DNAH5: variants seen among roughly 807,000 people sequenced by gnomAD.
DNAH5 encodes dynein axonemal heavy chain 5, also known as axonemal beta dynein heavy chain 5.
Under a neutral mutation model 518.2 loss-of-function variants are expected in DNAH5, and 372 were observed. The observed-to-expected ratio is 0.72, with a 90% CI of 0.66 to 0.78. The LOEUF is 0.78. Ranked by LOEUF, DNAH5 falls within the 30% of genes least tolerant of loss-of-function variation. The pLI, the probability that DNAH5 is intolerant of heterozygous loss-of-function variation, is 0.00. For missense variants in DNAH5, 5,523 were observed against 5,687.0 expected (o/e 0.97, Z 0.93); for synonymous variants, 2,039 against 2,025.9 (o/e 1.01, Z -0.17).
intron 10 of DNAH5, among the ~76,000 whole-genome samples, chr5:13,914,230 G>A (rs1776373604): frequency 6.6e-6 from 1 of 152,010 alleles, no homozygotes; most frequent in Non-Finnish European, 1.5e-5. Context: ...ATCCTTCTAT[G>A]ACTCTCTCTC....
intron 43 of DNAH5, among the ~76,000 whole-genome samples, chr5:13,812,557 C>T (rs1561327439): frequency 6.6e-6 from 1 of 152,168 alleles, no homozygotes; most frequent in Non-Finnish European, 1.5e-5. Flanking sequence ...CTGCCTGCCT[C>T]GGCCTCCCAA....
intron 76 of DNAH5, among the ~76,000 whole-genome samples, chr5:13,705,309 T>C (rs1238841759): frequency 6.6e-6 from 1 of 152,200 alleles, no homozygotes. Context: ...GACTGTATTC[T>C]TGAAAATTGC....
At chr5:13,971,710 T>C (rs1781884274) in intron 1 of DNAH5, among the ~76,000 whole-genome samples, 1 of 152,142 alleles carries the variant, frequency 6.6e-6, no homozygotes, top group Non-Finnish European at 1.5e-5. Flanking sequence ...GTGAGGGTCC[T>C]TGATGGTAGT....
intron 22 of DNAH5, among the ~76,000 whole-genome samples, chr5:13,873,880 T>C (rs537266291): frequency 2.6e-5 from 4 of 152,186 alleles, no homozygotes; most frequent in Admixed American, 6.5e-5. Context: ...CAGAGTTACA[T>C]CTGCATGAAA....
At position 13,928,082 on chromosome 5, in the gene DNAH5, A is replaced by G; in HGVS notation, c.277+12T>C. The G allele has an allele frequency of 3.1e-6, 5 of 1,607,290 alleles. No homozygotes were observed. Among genetic ancestry groups the G allele is most frequent in the Non-Finnish European group, 4.3e-6 (5 of 1,173,864 alleles). ...ACACATTTCTGGGTTATGTCACATCAAATTCAGATACCTGTTTCTGCTTCC... is the reference window on the plus strand; with the variant it reads ...ACACATTTCTGGGTTATGTCACATCGAATTCAGATACCTGTTTCTGCTTCC... On this transcript the variant is annotated intron_variant, in intron 3 of 78. Coordinates refer to ENST00000265104, the MANE Select transcript of DNAH5 (RefSeq NM_001369.3).
At chr5:13,841,180 T>C (rs1357291161) in intron 33 of DNAH5, 50 bp from the exon 34 acceptor site, 2 of 1,408,110 alleles carry the variant, frequency 1.4e-6, no homozygotes, top group East Asian at 2.3e-5. Context: ...TATTTATGTA[T>C]TTAAATAGAA....
chr5:13,943,050 T>C (rs1779609526), intron 1 of DNAH5, among the ~76,000 whole-genome samples: 1 of 152,158 alleles, frequency 6.6e-6, no homozygotes, highest in South Asian at 2.1e-4. Flanking sequence ...CCTAAATATA[T>C]AATTGAAACC....
chr5:13,877,402 A>G (rs988262281), intron 21 of DNAH5, among the ~76,000 whole-genome samples: 1 of 152,238 alleles, frequency 6.6e-6, no homozygotes, highest in Admixed American at 6.5e-5. Flanking sequence ...TACCTGAGGC[A>G]ATGATATTAG....
chr5:13,981,235 T>C (rs575904657), intron 1 of DNAH5, among the ~76,000 whole-genome samples: 1 of 152,188 alleles, frequency 6.6e-6, no homozygotes, highest in Non-Finnish European at 1.5e-5. Context: ...AAAACGTGTG[T>C]TGAGTGAAAA....
chr5:13,939,336 C>T (rs888434434), intron 1 of DNAH5, among the ~76,000 whole-genome samples: 4 of 152,168 alleles, frequency 2.6e-5, no homozygotes, highest in Admixed American at 6.5e-5. Context: ...TGCTGTTGTG[C>T]CTGGAACATA....
intron 16 of DNAH5, among the ~76,000 whole-genome samples, chr5:13,892,260 A>T (rs1156398012): frequency 6.6e-6 from 1 of 152,192 alleles, no homozygotes; most frequent in East Asian, 1.9e-4. Flanking sequence ...CTGCTTCTTC[A>T]TCTTTAAGGA....
chr5:13,902,030 A>C, intron 13 of DNAH5, 23 bp downstream of exon 13: 1 of 1,471,776 alleles, frequency 6.8e-7, no homozygotes, highest in Middle Eastern at 2.0e-4. Context: ...TTTAGAAAAT[A>C]GACAATTTCT....
Position 13,865,861 on chromosome 5 carries a change from C to T in DNAH5, c.4162G>A (p.Gly1388Arg). The change falls in exon 27 of 79, where the codon GGA becomes AGA. Residue 1388 changes from glycine to arginine, a missense_variant. Coordinates refer to ENST00000265104, the MANE Select transcript of DNAH5 (RefSeq NM_001369.3). ...IYRKYITYTG[G>R]EELFGLPATQ... is the part of the protein sequence containing the mutation. ...GCTGGCAGGCCAAAAAGCTCCTCTC[C>T]TCCAGTATATGTGATGTATTTCCGA... The T allele has an allele frequency of 1.2e-6, 2 of 1,612,966 alleles. No homozygotes were observed. The highest frequency in any genetic ancestry group is 4.5e-5 in the East Asian group (2 of 44,854).
chr5:13,723,210 C>T (rs1209417157), intron 70 of DNAH5, among the ~76,000 whole-genome samples: 1 of 152,190 alleles, frequency 6.6e-6, no homozygotes, highest in Non-Finnish European at 1.5e-5. Context: ...TTTCTACAGC[C>T]TCTGGCAGGT....
At chr5:13,717,542 A>G in intron 72 of DNAH5, 22 bp from the exon 73 acceptor site, 1 of 1,580,750 alleles carries the variant, frequency 6.3e-7, no homozygotes, top group Middle Eastern at 1.7e-4. Context: ...AGTTGGGTGA[A>G]AAATGTATCA....
chr5:13,730,123 T>C (rs1486181718), intron 68 of DNAH5, among the ~76,000 whole-genome samples: 1 of 152,194 alleles, frequency 6.6e-6, no homozygotes, highest in Non-Finnish European at 1.5e-5. Flanking sequence ...CCATGCTGTG[T>C]CACTTATGCC....
At chr5:13,714,059 T>C (rs1743966872) in intron 75 of DNAH5, among the ~76,000 whole-genome samples, 1 of 152,194 alleles carries the variant, frequency 6.6e-6, no homozygotes, top group South Asian at 2.1e-4. Flanking sequence ...TATTTTTGAA[T>C]AATCAGGTGT....
chr5:13,868,911 C>T (rs1242492330), intron 24 of DNAH5, among the ~76,000 whole-genome samples: 1 of 152,154 alleles, frequency 6.6e-6, no homozygotes, highest in East Asian at 1.9e-4. Flanking sequence ...TGGAGTAATA[C>T]ACTAAGTTAT....
At chr5:13,763,611 G>A (rs775430402) in intron 59 of DNAH5, among the ~76,000 whole-genome samples, 1 of 152,188 alleles carries the variant, frequency 6.6e-6, no homozygotes, top group Non-Finnish European at 1.5e-5. Context: ...TTTAAAAGAG[G>A]ATGATTAAAT....
Sources: allele counts gnomAD v4.1 joint callset (sites outside exome capture counted in the v4.1 genomes callset), GRCh38; gene constraint gnomAD v4.1.1; transcripts MANE v1.5; gene names NCBI Gene and HGNC (gene_info 2026-07-23, HGNC 2026-07-21).